Variants in CNTNAP2 observed in about 807,000 individuals in gnomAD.
CNTNAP2 encodes the protein contactin-associated protein-like 2.
A neutral mutation model predicts 155.2 loss-of-function variants in CNTNAP2; 98 were observed. The ratio of observed to expected loss-of-function variants is 0.63; its 90% CI spans 0.54 to 0.75. CNTNAP2 has a LOEUF of 0.75. Ranked by LOEUF, CNTNAP2 falls within the 30% of genes least tolerant of loss-of-function variation. The pLI is 0.00. For synonymous variants in CNTNAP2, 651 were observed against 631.2 expected (o/e 1.03, Z -0.47); for missense variants, 1,727 against 1,688.1 (o/e 1.02, Z -0.40).
At chr7:148,036,852 CAG>C (rs1802581647) in intron 15 of CNTNAP2, among the ~76,000 whole-genome samples, 2 of 152,178 alleles carry the variant, frequency 1.3e-5, no homozygotes, top group Admixed American at 6.5e-5. Context: ...CAAAGTTCCA[CAG>C]AGTCAACATA....
At chr7:146,681,580 G>A (rs1180526675) in intron 1 of CNTNAP2, among the ~76,000 whole-genome samples, 1 of 118,234 alleles carries the variant, frequency 8.5e-6, no homozygotes, top group Non-Finnish European at 1.8e-5. Flanking sequence ...AGAGTGAAAG[G>A]GTGGTGGGGG....
intron 4 of CNTNAP2, among the ~76,000 whole-genome samples, chr7:147,100,117 T>C (rs1233295355): frequency 1.3e-5 from 2 of 152,180 alleles, no homozygotes; most frequent in Middle Eastern, 3.4e-3. Flanking sequence ...GGTGTGTGCA[T>C]GTGTTTGTGT....
intron 11 of CNTNAP2, among the ~76,000 whole-genome samples, chr7:147,517,028 A>ATT (rs574784224): frequency 1.5e-4 from 21 of 142,296 alleles, no homozygotes; most frequent in African/African-American, 4.9e-4. Context: ...CACCCAGCTA[A>ATT]TTTTTTTTTT....
At chr7:148,236,854 G>A (rs556481019) in intron 20 of CNTNAP2, among the ~76,000 whole-genome samples, 4 of 152,108 alleles carry the variant, frequency 2.6e-5, no homozygotes, top group African/African-American at 4.8e-5. Flanking sequence ...AAGGTGCTAC[G>A]CACTTTCAAA....
chr7:147,763,972 C>T (rs900901784), intron 13 of CNTNAP2, among the ~76,000 whole-genome samples: 2 of 152,188 alleles, frequency 1.3e-5, no homozygotes, highest in Non-Finnish European at 2.9e-5. Flanking sequence ...TGAGTCAAAA[C>T]AGAAGGAGCT....
chr7:147,950,445 T>C (rs1419597403), intron 14 of CNTNAP2, among the ~76,000 whole-genome samples: 2 of 147,682 alleles, frequency 1.4e-5, no homozygotes, highest in Non-Finnish European at 3.0e-5. Context: ...AAACTCACAT[T>C]TTCATTGCTA....
chr7:147,792,073 G>A (rs752985557), intron 13 of CNTNAP2, among the ~76,000 whole-genome samples: 2 of 152,174 alleles, frequency 1.3e-5, no homozygotes, highest in Non-Finnish European at 2.9e-5. Flanking sequence ...TTCTACAGGG[G>A]ATGTGGTCCT....
rs117780715 is a variant in CNTNAP2, at chr7:148,045,388, G to A, written c.2383+67399G>A. On this transcript the variant is annotated intron_variant, in intron 15 of 23. Coordinates refer to ENST00000361727, the MANE Select transcript of CNTNAP2 (RefSeq NM_014141.6). ...TCATGGAGCCACACTGTGCCTGAGCGGTAGTAACTGTGGCATCTCCATGCA... is the reference window on the plus strand; with the variant it reads ...TCATGGAGCCACACTGTGCCTGAGCAGTAGTAACTGTGGCATCTCCATGCA... Among the ~76,000 whole-genome samples the A allele has an allele frequency of 3.2e-4, 49 of 152,300 alleles. No individual in the cohort carries two copies. In the East Asian group the frequency reaches 6.8e-3, roughly 21 times the overall value.
Position 147,653,243 on chromosome 7 carries a change from TTTC to T in CNTNAP2, c.2098+13952_2098+13954del, listed in dbSNP as rs775922449. Among the ~76,000 whole-genome samples the T allele has an allele frequency of 1.1e-3, 164 of 152,320 alleles. 2 individuals are homozygous for T. Among genetic ancestry groups the T allele is most frequent in the Middle Eastern group, 0.01 (3 of 294 alleles). On this transcript the variant is annotated intron_variant, in intron 13 of 23. Coordinates refer to ENST00000361727, the MANE Select transcript of CNTNAP2 (RefSeq NM_014141.6). ...AAACGAAATGTTGATGTTTTCTTTC[TTTC>T]TTCTTCTTCTTCTTTTTTTGATCTT...
chr7:148,331,586 T>G (rs62650118), intron 21 of CNTNAP2, among the ~76,000 whole-genome samples: 1 of 5,720 alleles, frequency 1.7e-4, no homozygotes, highest in African/African-American at 8.0e-4. Flanking sequence ...ATGGAATGGA[T>G]GGATGGAATG....
intron 1 of CNTNAP2, among the ~76,000 whole-genome samples, chr7:146,214,256 G>C (rs914258235): frequency 1.3e-5 from 2 of 152,086 alleles, no homozygotes; most frequent in Non-Finnish European, 2.9e-5. Context: ...TCATGTAAAT[G>C]CTCTTTTTTT....
intron 1 of CNTNAP2, among the ~76,000 whole-genome samples, chr7:146,659,538 C>T (rs558827610): frequency 6.6e-6 from 1 of 152,254 alleles, no homozygotes; most frequent in African/African-American, 2.4e-5. Flanking sequence ...AAGAGCTTCT[C>T]ATAGTAGGCA....
At chr7:148,150,051 A>G (rs1175744572) in intron 17 of CNTNAP2, among the ~76,000 whole-genome samples, 1 of 146,692 alleles carries the variant, frequency 6.8e-6, no homozygotes, top group Non-Finnish European at 1.5e-5. Flanking sequence ...AATTTGTGAA[A>G]TATTGTTCGG....
chr7:147,581,795 T>C (rs187208782), intron 12 of CNTNAP2, among the ~76,000 whole-genome samples: 20 of 152,302 alleles, frequency 1.3e-4, no homozygotes, highest in Middle Eastern at 6.8e-3. Flanking sequence ...ATGACTGTTG[T>C]AAAAATATAC....
chr7:146,765,212 T>A (rs185257709), intron 1 of CNTNAP2, among the ~76,000 whole-genome samples: 49 of 152,316 alleles, frequency 3.2e-4, no homozygotes, highest in African/African-American at 1.2e-3. Flanking sequence ...CCTAAAGTCA[T>A]GTACTGTACT....
chr7:147,420,305 T>G (rs919273566), intron 10 of CNTNAP2, among the ~76,000 whole-genome samples: 2 of 152,196 alleles, frequency 1.3e-5, no homozygotes, highest in African/African-American at 4.8e-5. Context: ...ATTTTTAAAG[T>G]ATTATTTGGT....
intron 20 of CNTNAP2, among the ~76,000 whole-genome samples, chr7:148,261,667 G>A (rs554948584): frequency 6.6e-6 from 1 of 152,190 alleles, no homozygotes; most frequent in Non-Finnish European, 1.5e-5. Flanking sequence ...GAGTGCAGGT[G>A]GGGGAGCAGG....
chr7:146,807,075 C>T (rs572471100), intron 2 of CNTNAP2, among the ~76,000 whole-genome samples: 1 of 152,054 alleles, frequency 6.6e-6, no homozygotes, highest in African/African-American at 2.4e-5. Context: ...ATGTAAAAAG[C>T]TTTTGTGAGC....
At chr7:147,372,935 C>A (rs1430915900) in intron 9 of CNTNAP2, among the ~76,000 whole-genome samples, 1 of 151,982 alleles carries the variant, frequency 6.6e-6, no homozygotes, top group Non-Finnish European at 1.5e-5. Flanking sequence ...TCTCTGTCTC[C>A]CCTTTCTTTT....
Sources: gnomAD v4.1 joint callset for allele counts (sites outside exome capture counted in the v4.1 genomes callset) on GRCh38, gnomAD v4.1.1 for gene constraint, MANE v1.5 for transcripts, NCBI Gene and HGNC (gene_info 2026-07-23, HGNC 2026-07-21) for gene names.